AOPEP: variants seen among roughly 807,000 people sequenced by gnomAD.
AOPEP encodes the protein aminopeptidase O.
Under a neutral mutation model 98.1 loss-of-function variants are expected in AOPEP, and 77 were observed. That is an observed-to-expected ratio of 0.78 (90% CI 0.65 to 0.95). The LOEUF is 0.95. Among genes scored for constraint, AOPEP ranks in the 40% least tolerant of loss-of-function variants. The pLI is 0.00. For synonymous variants in AOPEP, 346 were observed against 365.3 expected (o/e 0.95, Z 0.60); for missense variants, 1,024 against 1,024.7 (o/e 1.00, Z 0.01).
the AOPEP span, chr9:95,126,889 C>A: frequency 2.8e-6 from 1 of 361,878 alleles, no homozygotes; most frequent in South Asian, 2.7e-5. Context: ...TTTAAACATC[C>A]CTCTGCCCGC....
intron 11 of AOPEP, among the ~76,000 whole-genome samples, chr9:95,001,944 AT>A (rs111860886): frequency 1.9e-3 from 267 of 141,460 alleles, no homozygotes; most frequent in South Asian, 5.5e-3. Context: ...TGCCTGGCTG[AT>A]TTTTTTTTTT....
At chr9:95,085,885 G>A in intron 16 of AOPEP, 1 of 1,198,118 alleles carries the variant, frequency 8.3e-7, no homozygotes, top group South Asian at 1.5e-5. Flanking sequence ...TTTCGGAGGA[G>A]CTCCTGTTGT....
the AOPEP span, chr9:95,123,617 G>T: frequency 1.7e-6 from 1 of 602,466 alleles, no homozygotes; most frequent in African/African-American, 1.8e-5. Flanking sequence ...TGTGCCCAAG[G>T]ACAAGGCTAT....
intron 4 of AOPEP, among the ~76,000 whole-genome samples, chr9:94,799,179 A>G (rs1000401977): frequency 6.6e-6 from 1 of 152,184 alleles, no homozygotes; most frequent in African/African-American, 2.4e-5. Flanking sequence ...TTGGAGAGGA[A>G]TTATTGTTGC....
At chr9:95,051,135 G>T (rs1028053525) in intron 13 of AOPEP, among the ~76,000 whole-genome samples, 1 of 135,012 alleles carries the variant, frequency 7.4e-6, no homozygotes, top group African/African-American at 2.7e-5. Flanking sequence ...TGTCGCCCAG[G>T]CTGAAGTGCA....
intron 4 of AOPEP, among the ~76,000 whole-genome samples, chr9:94,794,768 C>T (rs2133545295): frequency 1.3e-5 from 2 of 151,594 alleles, no homozygotes; most frequent in East Asian, 3.9e-4. Context: ...TGAGATCCTC[C>T]TGTGCTCTCT....
At chr9:95,094,852 G>T in the AOPEP span, among the ~76,000 whole-genome samples, 13 of 152,328 alleles carry the variant, frequency 8.5e-5, no homozygotes, top group South Asian at 2.5e-3. Context: ...TTTCAGTAGA[G>T]ACGGGGTTTC....
intron 11 of AOPEP, among the ~76,000 whole-genome samples, chr9:94,991,875 G>A (rs1380660011): frequency 6.6e-6 from 1 of 152,210 alleles, no homozygotes; most frequent in Non-Finnish European, 1.5e-5. Flanking sequence ...TGGTGTGAGT[G>A]AATGTGATTG....
At chr9:95,136,380 CT>C in the AOPEP span, among the ~76,000 whole-genome samples, 1 of 151,712 alleles carries the variant, frequency 6.6e-6, no homozygotes, top group East Asian at 1.9e-4. Context: ...AAGACCCTGT[CT>C]CAAAAGAAAA....
the AOPEP span, among the ~76,000 whole-genome samples, chr9:95,140,850 C>G: frequency 6.6e-6 from 1 of 152,154 alleles, no homozygotes; most frequent in Non-Finnish European, 1.5e-5. Flanking sequence ...TCTGCATGTA[C>G]AGAGCAGCTC....
chr9:95,100,288 C>T, the AOPEP span: 3 of 232,726 alleles, frequency 1.3e-5, no homozygotes, highest in Admixed American at 5.6e-5. Context: ...AAATACTTTA[C>T]CAGCACACCC....
intron 13 of AOPEP, among the ~76,000 whole-genome samples, chr9:95,038,231 C>G (rs1336791755): frequency 6.6e-6 from 1 of 152,156 alleles, no homozygotes. Flanking sequence ...ACCAAACTCC[C>G]TGGAAAACTA....
At chr9:95,034,475 T>G (rs2064599920) in intron 13 of AOPEP, among the ~76,000 whole-genome samples, 1 of 152,252 alleles carries the variant, frequency 6.6e-6, no homozygotes, top group Non-Finnish European at 1.5e-5. Context: ...TTTGAGACTA[T>G]GCTTGTTATA....
chr9:94,843,880 T>G (rs2042552693), intron 5 of AOPEP, among the ~76,000 whole-genome samples: 1 of 152,244 alleles, frequency 6.6e-6, no homozygotes, highest in African/African-American at 2.4e-5. Flanking sequence ...TGTTATTTTT[T>G]AAGTTATTGC....
chr9:94,903,998 TA>T (rs112024662), intron 5 of AOPEP: 5,856 of 145,140 alleles, frequency 0.04, 139 homozygotes, highest in Non-Finnish European at 0.062. Context: ...CTCTGTTTCT[TA>T]AAAAAAAAAA....
At chr9:94,855,773 A>G (rs2044128586) in intron 5 of AOPEP, among the ~76,000 whole-genome samples, 1 of 152,212 alleles carries the variant, frequency 6.6e-6, no homozygotes, top group Non-Finnish European at 1.5e-5. Context: ...TGTGGGTCAA[A>G]TGCTCATTAA....
chr9:94,795,988 A>AT (rs1846839316), intron 4 of AOPEP, among the ~76,000 whole-genome samples: 1 of 152,174 alleles, frequency 6.6e-6, no homozygotes, highest in Non-Finnish European at 1.5e-5. Context: ...AATGAGACAA[A>AT]TTTACCCACC....
chr9:94,818,734 C>T lies in AOPEP; in HGVS notation c.1364+17732C>T, dbSNP rs190426847. ...TAAAGGCCGGGCGCGGTGGCTCACG[C>T]CTGTAATCCCAGCACTTTGGGAGGC... is the stretch of plus-strand genomic sequence containing the variant. On this transcript the variant is annotated intron_variant, in intron 5 of 16. Transcript: ENST00000375315. 8.1e-4 allele frequency among the ~76,000 whole-genome samples: 123 copies of T among 152,302 alleles called. 1 individual carries two copies. Among genetic ancestry groups the T allele is most frequent in the Non-Finnish European group, 1.6e-3 (109 of 68,020 alleles).
At chr9:95,027,437 T>C (rs2063932182) in intron 13 of AOPEP, among the ~76,000 whole-genome samples, 1 of 152,214 alleles carries the variant, frequency 6.6e-6, no homozygotes, top group Non-Finnish European at 1.5e-5. Flanking sequence ...TGAGTTGATG[T>C]GTGTATGTGA....
Sources: gnomAD v4.1 joint callset for allele counts (sites outside exome capture counted in the v4.1 genomes callset) on GRCh38, gnomAD v4.1.1 for gene constraint, MANE v1.5 for transcripts, NCBI Gene and HGNC (gene_info 2026-07-23, HGNC 2026-07-21) for gene names.